The following SAXO1 variants were observed in gnomAD, a reference collection of about 807,000 sequenced individuals.
SAXO1 encodes the protein 4930500O09Rik.
In SAXO1, 21 loss-of-function variants were observed where a neutral mutation model predicts 17.5. The ratio of observed to expected loss-of-function variants is 1.20; its 90% CI spans 0.85 to 1.72. SAXO1 has a LOEUF of 1.72. Ranked by LOEUF, SAXO1 falls within the 40% of genes most tolerant of loss-of-function variation. The pLI is 0.00. For missense variants in SAXO1, 843 were observed against 596.0 expected, an observed-to-expected ratio of 1.41 and a Z score of -4.32; for synonymous variants, 274 against 216.5, an observed-to-expected ratio of 1.27 and a Z score of -2.33.
At chr9:19,009,511 C>T (rs1245393793) in intron 1 of SAXO1, among the ~76,000 whole-genome samples, 1 of 152,124 alleles carries the variant, frequency 6.6e-6, no homozygotes. Flanking sequence ...GCTGCAGATG[C>T]TTTTTGGGCT....
At chr9:19,046,790 G>A (rs892038420) in intron 1 of SAXO1, among the ~76,000 whole-genome samples, 8 of 151,734 alleles carry the variant, frequency 5.3e-5, no homozygotes, top group Admixed American at 2.0e-4. Flanking sequence ...CCCTTGAGCC[G>A]AGGAGGTGGT....
At chr9:18,972,089 T>C (rs7039445) in intron 1 of SAXO1, among the ~76,000 whole-genome samples, 21,485 of 152,184 alleles carry the variant, frequency 0.14, 2,917 homozygotes, top group African/African-American at 0.36. Flanking sequence ...TCTGGAAGAA[T>C]GCAGAGGATT....
intron 1 of SAXO1, among the ~76,000 whole-genome samples, chr9:19,013,335 G>C (rs1274045726): frequency 6.6e-6 from 1 of 152,138 alleles, no homozygotes. Flanking sequence ...TGCAACGCCA[G>C]TCCCTTTTAC....
At chr9:19,033,783 A>C (rs138952349), upstream of SAXO1, among the ~76,000 whole-genome samples, 11 of 152,262 alleles carry the variant, frequency 7.2e-5, no homozygotes, top group South Asian at 2.1e-4. Flanking sequence ...CTTGATGAAA[A>C]CCAGATTGCC....
At chr9:18,929,110 T>C in intron 3 of SAXO1, 55 bp from the exon 4 acceptor site, 2 of 1,580,010 alleles carry the variant, frequency 1.3e-6, no homozygotes, top group Non-Finnish European at 1.7e-6. Flanking sequence ...CCAACTTGCA[T>C]ATATTCTACA....
chr9:18,982,954 A>C (rs1833454512), intron 1 of SAXO1, among the ~76,000 whole-genome samples: 1 of 152,190 alleles, frequency 6.6e-6, no homozygotes, highest in Non-Finnish European at 1.5e-5. Flanking sequence ...TAGTGTGAAC[A>C]CTAAGGATGC....
intron 1 of SAXO1, among the ~76,000 whole-genome samples, chr9:18,999,003 G>A (rs1028746160): frequency 3.3e-5 from 5 of 152,200 alleles, no homozygotes; most frequent in African/African-American, 9.7e-5. Flanking sequence ...GCAAAAACAT[G>A]CCAAATGGTA....
chr9:18,997,069 C>G (rs937971254), intron 1 of SAXO1, among the ~76,000 whole-genome samples: 4 of 152,166 alleles, frequency 2.6e-5, no homozygotes, highest in African/African-American at 4.8e-5. Flanking sequence ...ACTGAATTAC[C>G]TGGTTCATCT....
chr9:19,018,973 G>C (rs1040487119), intron 1 of SAXO1, among the ~76,000 whole-genome samples: 24 of 152,150 alleles, frequency 1.6e-4, no homozygotes, highest in African/African-American at 5.8e-4. Flanking sequence ...GCCAGGCTTG[G>C]TGGCGGGCAC....
chr9:18,967,439 C>G (rs1029377506), intron 1 of SAXO1, among the ~76,000 whole-genome samples: 2 of 152,196 alleles, frequency 1.3e-5, no homozygotes, highest in Non-Finnish European at 2.9e-5. Context: ...TCAGAGATGC[C>G]CTGCCCAGAG....
intron 1 of SAXO1, among the ~76,000 whole-genome samples, chr9:18,971,423 G>T (rs1280565550): frequency 2.0e-5 from 3 of 151,234 alleles, no homozygotes; most frequent in African/African-American, 7.4e-5. Context: ...TTCAAAATAG[G>T]AGCCAAATCC....
intron 1 of SAXO1, among the ~76,000 whole-genome samples, chr9:18,960,866 T>C (rs777959782): frequency 1.3e-5 from 2 of 152,108 alleles, no homozygotes; most frequent in Admixed American, 6.6e-5. Context: ...GAAAAACTAA[T>C]CTTTAGTGGG....
chr9:18,972,112 C>G (rs572133901), intron 1 of SAXO1, among the ~76,000 whole-genome samples: 21 of 152,318 alleles, frequency 1.4e-4, no homozygotes, highest in African/African-American at 4.8e-4. Flanking sequence ...AAGAGCATTT[C>G]TTACTGGACC....
chr9:19,009,918 C>T (rs558643429), intron 1 of SAXO1, among the ~76,000 whole-genome samples: 2 of 152,138 alleles, frequency 1.3e-5, no homozygotes, highest in African/African-American at 4.8e-5. Context: ...CCTCCGCCTC[C>T]TGGACTCAAG....
chr9:18,927,740 A>C lies in SAXO1; in HGVS notation c.*312T>G. On this transcript the variant is annotated 3_prime_UTR_variant, in exon 4 of 4. Coordinates refer to ENST00000380534, the MANE Select transcript of SAXO1 (RefSeq NM_153707.4). ...ATTATGTCAGTTCATACAATGATTA[A>C]ATTAATAAAATACATCTGGATCAGA... 1 of 273,460 alleles carries C rather than the reference A, an allele frequency of 3.7e-6. No homozygotes were observed. The highest frequency in any genetic ancestry group is 6.9e-6 in the Non-Finnish European group (1 of 145,760). The allele number at this position is 273,460 out of a possible 1,614,324, so 16.9% of individuals were successfully genotyped here. A position where few individuals can be genotyped will look rare whatever the true frequency, so the allele number is the denominator to read the frequency against.
chr9:19,038,394 T>C (rs1044228540), intron 1 of SAXO1, among the ~76,000 whole-genome samples: 2 of 151,982 alleles, frequency 1.3e-5, no homozygotes, highest in African/African-American at 4.8e-5. Flanking sequence ...TAAGAAAATG[T>C]GGCACATATA....
chr9:19,027,920 C>T (rs538599768), intron 1 of SAXO1: 1 of 1,399,610 alleles, frequency 7.1e-7, no homozygotes, highest in East Asian at 2.3e-5. Flanking sequence ...TGCAGATCCA[C>T]TCCCAAAAGA....
In SAXO1 at chr9:18,975,793, C is replaced by T. The variant is rs542960182; in HGVS notation, c.39-24856G>A. Among the ~76,000 whole-genome samples, 8 of 152,290 alleles carry T rather than the reference C, an allele frequency of 5.3e-5. No homozygotes were observed. In the South Asian group the frequency reaches 1.2e-3, roughly 24 times the overall value. On this transcript the variant is annotated intron_variant, in intron 1 of 3. Transcript: ENST00000380534. ...TGGAGTGAGCACGTAAAACATTCTT[C>T]GACCAAGAAAACCCAAGGCCCAGCA...
At chr9:18,998,869 G>A (rs995389538) in intron 1 of SAXO1, among the ~76,000 whole-genome samples, 2 of 152,188 alleles carry the variant, frequency 1.3e-5, no homozygotes, top group African/African-American at 4.8e-5. Flanking sequence ...CTTAATAAGT[G>A]AAGGAGAAAT....
Sources: gnomAD v4.1 joint callset for allele counts (sites outside exome capture counted in the v4.1 genomes callset) on GRCh38, gnomAD v4.1.1 for gene constraint, MANE v1.5 for transcripts, NCBI Gene and HGNC (gene_info 2026-07-23, HGNC 2026-07-21) for gene names.